The following ELP2 variants were observed in gnomAD, a reference collection of about 807,000 sequenced individuals.
ELP2 encodes elongator acetyltransferase complex subunit 2.
In ELP2, 90 loss-of-function variants were observed where a neutral mutation model predicts 119.2. The observed-to-expected ratio is 0.75, with a 90% confidence interval of 0.64 to 0.90. The LOEUF is 0.90. Among genes scored for constraint, ELP2 ranks in the 40% least tolerant of loss-of-function variants. The pLI, the probability that ELP2 is intolerant of heterozygous loss-of-function variation, is 0.00. For synonymous variants in ELP2, 339 were observed against 331.0 expected, an observed-to-expected ratio of 1.02 and a Z score of -0.26; for missense variants, 921 against 967.8, an observed-to-expected ratio of 0.95 and a Z score of 0.64.
chr18:36,145,251 T>C, intron 9 of ELP2: 2 of 520,200 alleles, frequency 3.8e-6, no homozygotes, highest in South Asian at 4.2e-5. Context: ...ATTCCTGCCA[T>C]GATGCTGAAA....
chr18:36,132,672 A>G (rs1250374905), intron 1 of ELP2, among the ~76,000 whole-genome samples: 1 of 152,204 alleles, frequency 6.6e-6, no homozygotes, highest in Non-Finnish European at 1.5e-5. Flanking sequence ...TAGGCCCTGC[A>G]GGAATCTGAT....
At chr18:36,164,714 T>A in intron 18 of ELP2, 47 bp downstream of exon 18, 1 of 1,557,788 alleles carries the variant, frequency 6.4e-7, no homozygotes, top group Non-Finnish European at 8.8e-7. Flanking sequence ...ACAGTTATGT[T>A]CATTTTATCT....
rs769033646 is a variant in ELP2, at chr18:36,142,950, T to C, written c.780T>C (p.Phe260=). The C allele has an allele frequency of 6.3e-7, 1 of 1,586,578 alleles. No individual in the cohort carries two copies. Among genetic ancestry groups the C allele is most frequent in the South Asian group, 1.1e-5 (1 of 88,430 alleles). ...DDNIRLKENT[F]TIENESVKIA... ...ACATAAGACTGAAAGAAAATACTTTTACCATAGAAAATGAAAGTGAGTAAT... is the reference window on the plus strand; with the variant it reads ...ACATAAGACTGAAAGAAAATACTTTCACCATAGAAAATGAAAGTGAGTAAT... The change falls in exon 8 of 22, where the codon TTT becomes TTC. Residue 260 remains phenylalanine, a synonymous_variant. Transcript: ENST00000358232.
chr18:36,172,069 A>C (rs1050600462), intron 21 of ELP2, among the ~76,000 whole-genome samples: 1 of 152,046 alleles, frequency 6.6e-6, no homozygotes, highest in Non-Finnish European at 1.5e-5. Flanking sequence ...GTGTTGGCTC[A>C]TGGTCTCTAC....
chr18:36,159,216 A>G (rs2090658760), intron 14 of ELP2, among the ~76,000 whole-genome samples: 1 of 151,520 alleles, frequency 6.6e-6, no homozygotes, highest in African/African-American at 2.4e-5. Context: ...GGCTTCAAGC[A>G]ATTCTCCTGC....
intron 14 of ELP2, 62 bp from the exon 15 acceptor site, chr18:36,159,673 T>G: frequency 1.4e-5 from 18 of 1,270,194 alleles, no homozygotes; most frequent in Non-Finnish European, 1.8e-5. Flanking sequence ...GCCTTAATAT[T>G]GAGACAAGTG....
chr18:36,174,218 T>G lies in ELP2; in HGVS notation c.2325-267T>G, dbSNP rs114914803. Among the ~76,000 whole-genome samples the G allele has an allele frequency of 4.7e-3, 717 of 152,354 alleles. 2 individuals carry two copies. Among genetic ancestry groups the G allele is most frequent in the African/African-American group, 0.016 (684 of 41,578 alleles). ...ATTCATTTAAAAAAATTTTATTTTT[T>G]GTTTTTTTTTAAACAACATTTGACA... On this transcript the variant is annotated intron_variant, in intron 21 of 21. Transcript: ENST00000358232.
Position 36,146,253 on chromosome 18 carries a change from C to T in ELP2, c.997C>T (p.Arg333Ter), listed in dbSNP as rs917647407. ...TTTTCTGTCTGTTATTGTACAGGTT[C>T]GAGTAGGTGAAGTAGGTGGGAATAC... is the stretch of plus-strand genomic sequence containing the variant. ...EESGVWLEQV[R>*]VGEVGGNTLG... Residue 333 changes from arginine to a stop codon, truncating the protein, a stop_gained, in exon 11 of 22, where the codon CGA becomes TGA. Transcript: ENST00000358232. LOFTEE classifies it high-confidence loss of function. The T allele has an allele frequency of 6.8e-6, 11 of 1,613,768 alleles. No individual in the cohort carries two copies. The highest frequency in any genetic ancestry group is 4.0e-5 in the African/African-American group (3 of 74,858).
chr18:36,141,481 A>T (rs1485518363), intron 6 of ELP2: 1 of 428,346 alleles, frequency 2.3e-6, no homozygotes, highest in Non-Finnish European at 4.4e-6. Context: ...TCTCTTAAAG[A>T]TTTAAACGAG....
At chr18:36,166,987 C>A in intron 18 of ELP2, 114 bp from the exon 19 acceptor site, 3 of 1,109,542 alleles carry the variant, frequency 2.7e-6, no homozygotes, top group Non-Finnish European at 3.7e-6. Flanking sequence ...AAAGTCAGTG[C>A]ATATAAATTG....
rs866281932 is a variant in ELP2 at position 36,141,501 on chromosome 18, A to G, written c.588+300A>G. The G allele has an allele frequency of 1.2e-4, 44 of 381,044 alleles. 2 individuals carry two copies. The Middle Eastern group carries it at 9.8e-3, about 85-fold the overall frequency. The allele number at this position is 381,044 out of a possible 1,614,324, so 23.6% of individuals were successfully genotyped here. A position where few individuals can be genotyped will look rare whatever the true frequency, so the allele number is the denominator to read the frequency against. On this transcript the variant is annotated intron_variant, in intron 6 of 21. Coordinates refer to ENST00000358232, the MANE Select transcript of ELP2 (RefSeq NM_018255.4). The stretch of plus-strand genomic sequence containing the variant: ...TAAAGATTTAAACGAGATATAACAT[A>G]CCTACAGTGAAGCATTCCTAGTAGT...
At chr18:36,131,681 T>A (rs956875365) in intron 1 of ELP2, among the ~76,000 whole-genome samples, 1 of 152,248 alleles carries the variant, frequency 6.6e-6, no homozygotes, top group Non-Finnish European at 1.5e-5. Context: ...AACTTGCCGC[T>A]ATATCACAGG....
chr18:36,172,583 G>C (rs1176963937), intron 21 of ELP2, among the ~76,000 whole-genome samples: 1 of 152,214 alleles, frequency 6.6e-6, no homozygotes, highest in Non-Finnish European at 1.5e-5. Context: ...AGTTGAACTA[G>C]TTTGTGCTGT....
intron 11 of ELP2, among the ~76,000 whole-genome samples, chr18:36,150,189 C>T (rs1005549025): frequency 6.6e-6 from 1 of 152,192 alleles, no homozygotes; most frequent in Non-Finnish European, 1.5e-5. Flanking sequence ...GTCTCTGTTG[C>T]TGACAAACAG....
chr18:36,138,596 C>A, intron 4 of ELP2, 170 bp downstream of exon 4: 2 of 907,386 alleles, frequency 2.2e-6, no homozygotes, highest in Non-Finnish European at 1.7e-6. Flanking sequence ...TATACCAAGA[C>A]TTTTTCATGT....
Position 36,178,610 on chromosome 18 carries a change from C to CT in ELP2, c.*3970dup, listed in dbSNP as rs1365334006. 2.0e-5 allele frequency: 3 copies of CT among 150,658 alleles called. No homozygotes were observed. The highest frequency in any genetic ancestry group is 4.4e-5 in the Non-Finnish European group (3 of 67,852). 9.3% of individuals were successfully genotyped at this position (150,658 alleles called of 1,614,324 possible). A position where few individuals can be genotyped will look rare whatever the true frequency, so the allele number is the denominator to read the frequency against. ...AACATTTAAACATATGACAGTGGGG[C>CT]TATGGTTATGATTGGTTTTGTTTTT... On this transcript the variant is annotated 3_prime_UTR_variant, in exon 22 of 22. Coordinates refer to ENST00000358232, the MANE Select transcript of ELP2 (RefSeq NM_018255.4).
At position 36,164,576 on chromosome 18, in the gene ELP2, C is replaced by T. The variant is rs1191931747; in HGVS notation, c.1863C>T (p.Ala621=). 1 of 1,613,976 alleles carries T rather than the reference C, an allele frequency of 6.2e-7. No individual in the cohort carries two copies. The highest frequency in any genetic ancestry group is 8.5e-7 in the Non-Finnish European group (1 of 1,179,992). The stretch of plus-strand genomic sequence containing the variant: ...ACAGTTTGACAGTCACGCAGATGGC[C>T]TTCTCACCTAATGAGAAGTTCTTAC... The part of the protein sequence containing the change: ...VFHSLTVTQM[A]FSPNEKFLLA... Residue 621 remains alanine (A), a synonymous_variant, in exon 18 of 22, where the codon GCC becomes GCT. Transcript: ENST00000358232.
At chr18:36,151,209 C>T (rs554231420) in intron 11 of ELP2, among the ~76,000 whole-genome samples, 15 of 152,006 alleles carry the variant, frequency 9.9e-5, no homozygotes, top group South Asian at 8.4e-4. Context: ...CTCCACCTCC[C>T]GAGTAGCTGA....
At chr18:36,170,812 A>G (rs1420001402) in intron 20 of ELP2, 3 of 560,780 alleles carry the variant, frequency 5.3e-6, no homozygotes, top group East Asian at 6.2e-5. Flanking sequence ...CTGGGGAAAC[A>G]CTGGCTCATG....
Sources: allele counts gnomAD v4.1 joint callset (sites outside exome capture counted in the v4.1 genomes callset), GRCh38; gene constraint gnomAD v4.1.1; transcripts MANE v1.5; gene names NCBI Gene and HGNC (gene_info 2026-07-23, HGNC 2026-07-21).